SULF2: variants seen among roughly 807,000 people sequenced by gnomAD.
The protein encoded by SULF2 is sulfatase 2.
In SULF2, 52 loss-of-function variants were observed where a neutral mutation model predicts 107.7. That is an observed-to-expected ratio of 0.48 (90% confidence interval 0.39 to 0.61). SULF2 has a LOEUF of 0.61. Among genes scored for constraint, SULF2 ranks in the 20% least tolerant of loss-of-function variants. SULF2 has a pLI of 0.00. For missense variants in SULF2, 993 were observed against 1,177.3 expected (o/e 0.84, Z 2.29); for synonymous variants, 460 against 464.3 (o/e 0.99, Z 0.12).
chr20:47,674,212 T>G (rs771383389), intron 10 of SULF2, among the ~76,000 whole-genome samples: 24 of 152,260 alleles, frequency 1.6e-4, no homozygotes, highest in Non-Finnish European at 3.1e-4. Flanking sequence ...CAACTACTCA[T>G]GTAGAAGCCG....
chr20:47,699,567 A>G (rs1343142266), intron 4 of SULF2, among the ~76,000 whole-genome samples: 2 of 152,124 alleles, frequency 1.3e-5, no homozygotes, highest in Middle Eastern at 3.4e-3. Context: ...GTCACGTAAT[A>G]TGTGTCAAGG....
chr20:47,781,876 G>GGA (rs375825487), intron 1 of SULF2, among the ~76,000 whole-genome samples: 65 of 152,254 alleles, frequency 4.3e-4, no homozygotes, highest in African/African-American at 1.5e-3. Flanking sequence ...CCCCAGAGCT[G>GGA]GAGAGACATC....
At chr20:47,782,910 G>C (rs755180731) in intron 1 of SULF2, among the ~76,000 whole-genome samples, 1 of 152,170 alleles carries the variant, frequency 6.6e-6, no homozygotes, top group African/African-American at 2.4e-5. Flanking sequence ...CCCTGCATAT[G>C]TGTTTCTTCT....
chr20:47,760,273 A>T (rs73910758), intron 1 of SULF2, among the ~76,000 whole-genome samples: 10,132 of 152,190 alleles, frequency 0.067, 1,051 homozygotes, highest in African/African-American at 0.22. Context: ...CACGGTCGGC[A>T]CGTCCCTGCT....
intron 2 of SULF2, among the ~76,000 whole-genome samples, chr20:47,755,135 T>C (rs1241397310): frequency 6.6e-6 from 1 of 152,192 alleles, no homozygotes; most frequent in African/African-American, 2.4e-5. Flanking sequence ...CCAGCTCAAA[T>C]CATGTTTAAT....
intron 2 of SULF2, among the ~76,000 whole-genome samples, chr20:47,739,042 G>A (rs1368898028): frequency 6.6e-6 from 1 of 152,128 alleles, no homozygotes; most frequent in Non-Finnish European, 1.5e-5. Flanking sequence ...AAGGAACAAG[G>A]AACTCCTAGG....
chr20:47,775,141 C>A (rs1414128723), intron 1 of SULF2, among the ~76,000 whole-genome samples: 1 of 152,226 alleles, frequency 6.6e-6, no homozygotes, highest in Non-Finnish European at 1.5e-5. Context: ...GGCCCCACCT[C>A]ATGAAACCGG....
intron 3 of SULF2, among the ~76,000 whole-genome samples, chr20:47,724,839 GC>G (rs2089395196): frequency 6.6e-6 from 1 of 152,142 alleles, no homozygotes; most frequent in Non-Finnish European, 1.5e-5. Context: ...TGTTCTCAGC[GC>G]CATCAGACTG....
intron 14 of SULF2, among the ~76,000 whole-genome samples, chr20:47,664,917 C>A (rs1351367976): frequency 6.6e-6 from 1 of 152,218 alleles, no homozygotes; most frequent in Non-Finnish European, 1.5e-5. Flanking sequence ...TCTGAAAGGG[C>A]AATCGGCAGA....
chr20:47,738,823 G>A (rs1393346091), intron 2 of SULF2, among the ~76,000 whole-genome samples: 1 of 152,146 alleles, frequency 6.6e-6, no homozygotes, highest in Non-Finnish European at 1.5e-5. Context: ...ATCTTTATCA[G>A]CAGCATGAAG....
chr20:47,765,378 A>AAC (rs1568922290), intron 1 of SULF2, among the ~76,000 whole-genome samples: 28 of 150,964 alleles, frequency 1.9e-4, no homozygotes, highest in Admixed American at 1.5e-3. Context: ...AAACAAAAAA[A>AAC]AAAAAACAGG....
chr20:47,728,657 T>C (rs1461547501), intron 3 of SULF2, among the ~76,000 whole-genome samples: 1 of 152,174 alleles, frequency 6.6e-6, no homozygotes, highest in Non-Finnish European at 1.5e-5. Context: ...TATTTATTTA[T>C]TTTTGAGATA....
intron 4 of SULF2, among the ~76,000 whole-genome samples, chr20:47,698,626 CT>C (rs746700060): frequency 1.3e-5 from 2 of 152,168 alleles, no homozygotes; most frequent in African/African-American, 2.4e-5. Flanking sequence ...CCTGATACCC[CT>C]ATAGCTGGTT....
intron 10 of SULF2, among the ~76,000 whole-genome samples, chr20:47,676,207 C>A (rs1027856712): frequency 6.6e-6 from 1 of 152,232 alleles, no homozygotes; most frequent in African/African-American, 2.4e-5. Context: ...CTGGGGCCTT[C>A]GTGCAAGAGA....
chr20:47,737,581 A>T (rs1439001826), intron 2 of SULF2, among the ~76,000 whole-genome samples: 1 of 151,046 alleles, frequency 6.6e-6, no homozygotes, highest in African/African-American at 2.4e-5. Flanking sequence ...CCTGGAACCC[A>T]CCACCCCTCA....
At chr20:47,664,108 C>T (rs758046197) in intron 15 of SULF2, 22 bp downstream of exon 15, 9 of 1,612,864 alleles carry the variant, frequency 5.6e-6, no homozygotes, top group Non-Finnish European at 7.6e-6. Context: ...ATCTCTTCCC[C>T]AGGACCTCAA....
intron 3 of SULF2, among the ~76,000 whole-genome samples, chr20:47,715,582 A>ATT (rs11476982): frequency 5.1e-4 from 70 of 137,418 alleles, no homozygotes; most frequent in African/African-American, 1.7e-3. Context: ...GGGAATGTCG[A>ATT]TTTTTTTTTT....
chr20:47,757,222 G>C lies in SULF2; in HGVS notation c.142C>G (p.Leu48Val), dbSNP rs1193507012. 5 of 1,563,544 alleles carry C rather than the reference G, an allele frequency of 3.2e-6. No individual in the cohort carries two copies. Among genetic ancestry groups the C allele is most frequent in the East Asian group, 4.8e-5 (2 of 41,844 alleles). Residue 48 changes from leucine to valine, a missense_variant, in exon 2 of 21, where the codon CTG becomes GTG. By Grantham distance (32) the Leu-to-Val change is conservative (BLOSUM62 1). Transcript: ENST00000688720. The part of the protein sequence containing the change: ...DRRNIRPNII[L>V]VLTDDQDVEL... ...ACATCCTGGTCGTCCGTCAGCACCA[G>C]GATGATGTTGGGGCGGATGTTCCTG...
intron 1 of SULF2, among the ~76,000 whole-genome samples, chr20:47,767,523 G>A (rs1020787363): frequency 1.6e-4 from 25 of 152,176 alleles, no homozygotes; most frequent in African/African-American, 5.8e-4. Flanking sequence ...GCTCACGCCT[G>A]TTATCCCAGC....
Sources: gnomAD v4.1 joint callset for allele counts (sites outside exome capture counted in the v4.1 genomes callset) on GRCh38, gnomAD v4.1.1 for gene constraint, MANE v1.5 for transcripts, NCBI Gene and HGNC (gene_info 2026-07-23, HGNC 2026-07-21) for gene names.